NAV2: variants seen among roughly 807,000 people sequenced by gnomAD.
NAV2 encodes helicase, APC down-regulated 1.
NAV2 carries 54 observed loss-of-function variants against 223.2 expected under a neutral mutation model. The ratio of observed to expected loss-of-function variants is 0.24; its 90% CI spans 0.19 to 0.30. The LOEUF (loss-of-function observed/expected upper bound fraction) is 0.30. Among genes scored for constraint, NAV2 ranks in the 10% least tolerant of loss-of-function variants. The probability of loss-of-function intolerance (pLI) is 1.00; values close to 1 mark genes in which losing one functional copy is unlikely to be tolerated. For synonymous variants in NAV2, 1,279 were observed against 1,239.3 expected, an observed-to-expected ratio of 1.03 and a Z score of -0.67; for missense variants, 2,806 against 3,147.5, an observed-to-expected ratio of 0.89 and a Z score of 2.60.
intron 1 of NAV2, among the ~76,000 whole-genome samples, chr11:19,366,010 CAG>C (rs1361690987): frequency 6.6e-6 from 1 of 152,164 alleles, no homozygotes; most frequent in Non-Finnish European, 1.5e-5. Context: ...TTGAAGGAGC[CAG>C]AGAGGAAGGA....
At chr11:19,905,633 C>T (rs2042806231) in intron 6 of NAV2, among the ~76,000 whole-genome samples, 1 of 152,106 alleles carries the variant, frequency 6.6e-6, no homozygotes, top group African/African-American at 2.4e-5. Context: ...TCTTAGGGGG[C>T]CAGGATTAAT....
In NAV2 at chr11:19,872,090, G is replaced by A. The variant is rs112883135; in HGVS notation, c.511+3093G>A. Among the ~76,000 whole-genome samples the A allele has an allele frequency of 7.3e-3, 1,108 of 152,238 alleles. 9 individuals are homozygous for A. Among genetic ancestry groups the A allele is most frequent in the Middle Eastern group, 0.027 (8 of 294 alleles). On this transcript the variant is annotated intron_variant, in intron 4 of 37. Transcript: ENST00000349880. ...ATTCCTTTGGGAAAGTGGCCCCAAC[G>A]TCTGCCACATTCTCAAACTTACAAA...
At chr11:20,100,199 C>T (rs2061532426) in intron 31 of NAV2, among the ~76,000 whole-genome samples, 1 of 152,108 alleles carries the variant, frequency 6.6e-6, no homozygotes, top group African/African-American at 2.4e-5. Flanking sequence ...AGACAGTATC[C>T]AAAAGATACC....
chr11:19,449,819 G>C (rs1357483310), intron 1 of NAV2, among the ~76,000 whole-genome samples: 1 of 152,014 alleles, frequency 6.6e-6, no homozygotes, highest in African/African-American at 2.4e-5. Context: ...TGTGGACTCC[G>C]GTGACCCCCC....
upstream of NAV2, among the ~76,000 whole-genome samples, chr11:19,350,085 C>A (rs867293730): frequency 6.7e-6 from 1 of 149,740 alleles, no homozygotes; most frequent in Non-Finnish European, 1.5e-5. Context: ...CCTTATTCCT[C>A]TGATGATGAT....
At chr11:19,411,257 C>T (rs763486211) in intron 1 of NAV2, among the ~76,000 whole-genome samples, 1 of 152,324 alleles carries the variant, frequency 6.6e-6, no homozygotes, top group Admixed American at 6.5e-5. Context: ...TCTGGACCAC[C>T]TTGTCAGCTA....
At chr11:19,585,270 T>C (rs1207473185) in intron 1 of NAV2, among the ~76,000 whole-genome samples, 1 of 152,214 alleles carries the variant, frequency 6.6e-6, no homozygotes, top group Non-Finnish European at 1.5e-5. Flanking sequence ...AGCCTATGTG[T>C]GTCTCTACCC....
At chr11:20,065,193 A>G (rs2058968135) in intron 20 of NAV2, among the ~76,000 whole-genome samples, 1 of 152,212 alleles carries the variant, frequency 6.6e-6, no homozygotes, top group Non-Finnish European at 1.5e-5. Context: ...TCTGAAACAC[A>G]TGCTCCAGGC....
intron 8 of NAV2, among the ~76,000 whole-genome samples, chr11:19,942,825 G>C (rs1156567164): frequency 2.0e-5 from 3 of 152,098 alleles, no homozygotes; most frequent in African/African-American, 7.2e-5. Flanking sequence ...TCTCTGCAAA[G>C]AAAACAAATT....
intron 11 of NAV2, among the ~76,000 whole-genome samples, chr11:20,033,468 C>A (rs1211250836): frequency 6.6e-6 from 1 of 152,054 alleles, no homozygotes; most frequent in Non-Finnish European, 1.5e-5. Context: ...TTGAAGAAAG[C>A]CTTAAAGGAA....
chr11:19,820,756 T>G (rs1201216127), intron 1 of NAV2, among the ~76,000 whole-genome samples: 1 of 152,186 alleles, frequency 6.6e-6, no homozygotes, highest in Non-Finnish European at 1.5e-5. Context: ...GAACACCTAC[T>G]ATGTGACAAG....
intron 10 of NAV2, among the ~76,000 whole-genome samples, chr11:19,950,044 G>A (rs564425275): frequency 1.3e-5 from 2 of 152,180 alleles, no homozygotes; most frequent in Admixed American, 1.3e-4. Flanking sequence ...AGATCACCCT[G>A]CAGACTTAAG....
chr11:19,875,029 C>T (rs1565474447), intron 4 of NAV2, among the ~76,000 whole-genome samples: 1 of 152,248 alleles, frequency 6.6e-6, no homozygotes, highest in South Asian at 2.1e-4. Context: ...TGGTGGCATG[C>T]ACCTATAATC....
chr11:19,627,097 A>T (rs1415359772), intron 1 of NAV2, among the ~76,000 whole-genome samples: 2 of 152,136 alleles, frequency 1.3e-5, no homozygotes, highest in African/African-American at 4.8e-5. Context: ...AGGTCAAGAG[A>T]TCCATGTGGG....
chr11:20,040,236 G>C (rs147489058), intron 12 of NAV2, among the ~76,000 whole-genome samples: 1 of 152,240 alleles, frequency 6.6e-6, no homozygotes, highest in Non-Finnish European at 1.5e-5. Flanking sequence ...AAAGGCCTGT[G>C]GCCCAGTGGC....
chr11:19,913,658 G>C (rs914373354), intron 6 of NAV2, among the ~76,000 whole-genome samples: 1 of 152,206 alleles, frequency 6.6e-6, no homozygotes. Flanking sequence ...AGAGAGAAAG[G>C]AGGGAGGCTG....
intron 1 of NAV2, among the ~76,000 whole-genome samples, chr11:19,494,654 T>A (rs1002829187): frequency 1.3e-5 from 2 of 152,212 alleles, no homozygotes; most frequent in African/African-American, 4.8e-5. Flanking sequence ...TTATTAATTA[T>A]AAGGATACAA....
chr11:20,027,799 G>C (rs757966480), intron 11 of NAV2: 1 of 152,204 alleles, frequency 6.6e-6, no homozygotes, highest in Admixed American at 6.5e-5. Flanking sequence ...ATCTCACAGG[G>C]AGTTCATTTG....
intron 17 of NAV2, among the ~76,000 whole-genome samples, chr11:20,051,787 C>T (rs1761377459): frequency 6.6e-6 from 1 of 152,014 alleles, no homozygotes; most frequent in African/African-American, 2.4e-5. Flanking sequence ...AACTTTTCTG[C>T]CCATAAAAAA....
Sources: gnomAD v4.1 joint callset for allele counts (sites outside exome capture counted in the v4.1 genomes callset) on GRCh38, gnomAD v4.1.1 for gene constraint, MANE v1.5 for transcripts, NCBI Gene and HGNC (gene_info 2026-07-23, HGNC 2026-07-21) for gene names.